Variants in PDLIM4 observed in about 807,000 individuals in gnomAD.
The protein encoded by PDLIM4 is PDZ and LIM domain 4.
A neutral mutation model predicts 31.3 loss-of-function variants in PDLIM4; 19 were observed. The observed-to-expected ratio is 0.61, with a 90% CI of 0.42 to 0.89. The LOEUF is 0.89. Among genes scored for constraint, PDLIM4 ranks in the 40% least tolerant of loss-of-function variants. The pLI is 0.00. For synonymous variants in PDLIM4, 176 were observed against 190.1 expected (o/e 0.93, Z 0.61); for missense variants, 442 against 461.1 (o/e 0.96, Z 0.38).
rs544971137 is a variant in PDLIM4, at chr5:132,259,946, C to G, written c.93+2119C>G. Among the ~76,000 whole-genome samples the G allele has an allele frequency of 6.8e-4, 57 of 83,902 alleles. No individual in the cohort carries two copies. In the South Asian group the frequency reaches 9.2e-3, roughly 14 times the overall value. The allele number at this position is 83,902 out of a possible 152,430, so 55.0% of individuals were successfully genotyped here. ...TCCCTCCAGTCCCTGTAGTGAGCAC[C>G]ACCTTATTTATGCCCAGCCTCCTGT... On this transcript the variant is annotated intron_variant, in intron 1 of 6. Transcript: ENST00000253754.
intron 1 of PDLIM4, among the ~76,000 whole-genome samples, chr5:132,260,808 G>A (rs546768944): frequency 9.2e-5 from 14 of 152,316 alleles, no homozygotes; most frequent in African/African-American, 2.9e-4. Flanking sequence ...GTGACTGGGA[G>A]AGTCACAATT....
At chr5:132,264,175 T>G (rs1353629232) in intron 2 of PDLIM4, among the ~76,000 whole-genome samples, 2 of 152,146 alleles carry the variant, frequency 1.3e-5, no homozygotes, top group Admixed American at 1.3e-4. Flanking sequence ...AGTCAGGAGC[T>G]TCTCAGAGTG....
chr5:132,267,919 G>T (rs1399150982), intron 3 of PDLIM4, among the ~76,000 whole-genome samples: 1 of 152,216 alleles, frequency 6.6e-6, no homozygotes, highest in Admixed American at 6.5e-5. Flanking sequence ...AGACAAATGA[G>T]CCAGGTTTGC....
Position 132,271,841 on chromosome 5 carries a change from A to G in PDLIM4, c.721A>G (p.Lys241Glu). 1 of 1,612,808 alleles carries G rather than the reference A, an allele frequency of 6.2e-7. No individual in the cohort carries two copies. The highest frequency in any genetic ancestry group is 8.5e-7 in the Non-Finnish European group (1 of 1,179,634). The change falls in exon 6 of 7, where the codon AAG becomes GAG. Residue 241 changes from lysine to glutamate, a missense_variant. By Grantham distance (56) the Lys-to-Glu change is moderately conservative. Coordinates refer to ENST00000253754, the MANE Select transcript of PDLIM4 (RefSeq NM_003687.4). Reference sequence around the variant, plus strand: ...CCGGAACCTCAAGCCCACGGCCAGCAAGCTGGGCGCTCCGCTGAGCGGCCT... The same window carrying G: ...CCGGAACCTCAAGCCCACGGCCAGCGAGCTGGGCGCTCCGCTGAGCGGCCT... Reference protein sequence around the residue: ...GPRNLKPTASKLGAPLSGLQG... With the variant: ...GPRNLKPTASELGAPLSGLQG...
chr5:132,267,168 A>C (rs1305772721), intron 3 of PDLIM4, among the ~76,000 whole-genome samples: 2 of 152,172 alleles, frequency 1.3e-5, no homozygotes, highest in East Asian at 3.9e-4. Context: ...GGGATGACTG[A>C]GGTATCCAGA....
chr5:132,269,424 C>T (rs574828904), intron 3 of PDLIM4, among the ~76,000 whole-genome samples: 42 of 151,146 alleles, frequency 2.8e-4, no homozygotes, highest in African/African-American at 9.2e-4. Context: ...GACAGACACA[C>T]GTGTGAGAGC....
At chr5:132,265,002 A>C (rs1454082388) in intron 2 of PDLIM4, among the ~76,000 whole-genome samples, 1 of 152,052 alleles carries the variant, frequency 6.6e-6, no homozygotes, top group African/African-American at 2.4e-5. Context: ...GGCATCCAAC[A>C]ATCCAAGCAA....
intron 2 of PDLIM4, among the ~76,000 whole-genome samples, chr5:132,263,847 T>C (rs767745347): frequency 3.3e-4 from 51 of 152,274 alleles, no homozygotes; most frequent in Middle Eastern, 3.4e-3. Flanking sequence ...TGGCACACGG[T>C]GAGGATGCTC....
At chr5:132,262,849 C>T in intron 2 of PDLIM4, 89 bp downstream of exon 2, 1 of 1,276,542 alleles carries the variant, frequency 7.8e-7, no homozygotes, top group Non-Finnish European at 1.1e-6. Flanking sequence ...CAGCTTCACA[C>T]AGCCTCTCTG....
At chr5:132,261,724 G>A (rs541998188) in intron 1 of PDLIM4, among the ~76,000 whole-genome samples, 9 of 152,142 alleles carry the variant, frequency 5.9e-5, no homozygotes, top group Admixed American at 1.3e-4. Flanking sequence ...TTGACCCCGA[G>A]GGGTCAATAG....
At chr5:132,259,560 G>C (rs1039597962) in intron 1 of PDLIM4, among the ~76,000 whole-genome samples, 12 of 152,166 alleles carry the variant, frequency 7.9e-5, no homozygotes, top group African/African-American at 2.4e-4. Flanking sequence ...GTGGGATCTG[G>C]GGAGATTTAC....
intron 2 of PDLIM4, among the ~76,000 whole-genome samples, chr5:132,264,515 G>T (rs1304232679): frequency 6.6e-6 from 1 of 152,056 alleles, no homozygotes; most frequent in African/African-American, 2.4e-5. Flanking sequence ...GGACCATCTT[G>T]CGCTCTGGAC....
chr5:132,259,811 G>C (rs1200220101), intron 1 of PDLIM4, among the ~76,000 whole-genome samples: 1 of 152,142 alleles, frequency 6.6e-6, no homozygotes, highest in Non-Finnish European at 1.5e-5. Context: ...GCCTCCAGGA[G>C]TCCCAAGAAC....
rs1328415141 is a variant in PDLIM4 at position 132,262,691 on chromosome 5, T to A, written c.176T>A (p.Leu59His). 2.5e-6 allele frequency: 4 copies of A among 1,613,530 alleles called. No homozygotes were observed. The highest frequency in any genetic ancestry group is 2.5e-6 in the Non-Finnish European group (3 of 1,179,748). The change falls in exon 2 of 7, where the codon CTC becomes CAC. Residue 59 changes from leucine to histidine, a missense_variant. Physicochemically the swap from Leu to His is moderately conservative, Grantham distance 99. Coordinates refer to ENST00000253754, the MANE Select transcript of PDLIM4 (RefSeq NM_003687.4). ...IQAINGESTELMTHLEAQNRI... is the reference protein window; with the variant it reads ...IQAINGESTEHMTHLEAQNRI... ...GCCATCAATGGTGAGAGCACAGAGC[T>A]CATGACACACCTGGAGGCACAGAAC...
intron 1 of PDLIM4, among the ~76,000 whole-genome samples, chr5:132,259,945 C>T (rs1353529409): frequency 2.4e-5 from 2 of 83,966 alleles, no homozygotes; most frequent in Non-Finnish European, 5.1e-5. Flanking sequence ...GTAGTGAGCA[C>T]CACCTTATTT....
At chr5:132,258,601 G>A (rs1452294666) in intron 1 of PDLIM4, among the ~76,000 whole-genome samples, 2 of 152,156 alleles carry the variant, frequency 1.3e-5, no homozygotes. Context: ...CCCTGTTCGA[G>A]GGGGTGCCTG....
In PDLIM4 at chr5:132,272,250, C is replaced by T. The variant is rs760950952; in HGVS notation, c.*21C>T. 7.5e-6 allele frequency: 12 copies of T among 1,590,576 alleles called. No individual in the cohort carries two copies. Among genetic ancestry groups the T allele is most frequent in the Non-Finnish European group, 9.5e-6 (11 of 1,159,056 alleles). Reference sequence around the variant, plus strand: ...TCTGAGCTGGGACCCTGCTCCCACGCCTGCTTCTTAAGGTCCCTGCTCGGC... The same window carrying T: ...TCTGAGCTGGGACCCTGCTCCCACGTCTGCTTCTTAAGGTCCCTGCTCGGC... On this transcript the variant is annotated 3_prime_UTR_variant, in exon 7 of 7. Coordinates refer to ENST00000253754, the MANE Select transcript of PDLIM4 (RefSeq NM_003687.4).
At position 132,271,482 on chromosome 5, in the gene PDLIM4, C is replaced by T. The variant is rs1756614289; in HGVS notation, c.670+16C>T. 6.2e-7 allele frequency: 1 copy of T among 1,606,442 alleles called. No homozygotes were observed. The highest frequency in any genetic ancestry group is 1.3e-5 in the African/African-American group (1 of 74,940). On this transcript the variant is annotated intron_variant, in intron 5 of 6. Transcript: ENST00000253754. ...GGCGAGGGCGGTAAGACGCCTGCCA[C>T]CTGTCCCCATCTGCCTTCCCACTCC...
chr5:132,271,559 C>A (rs764100575), intron 5 of PDLIM4, 93 bp downstream of exon 5: 1 of 1,345,836 alleles, frequency 7.4e-7, no homozygotes, highest in Non-Finnish European at 1.1e-6. Context: ...CTCGCAGTCA[C>A]CTGCCCTCTT....
Sources: gnomAD v4.1 joint callset for allele counts (sites outside exome capture counted in the v4.1 genomes callset) on GRCh38, gnomAD v4.1.1 for gene constraint, MANE v1.5 for transcripts, NCBI Gene and HGNC (gene_info 2026-07-23, HGNC 2026-07-21) for gene names.